Variants in PCDHA12 observed in about 807,000 individuals in gnomAD.
PCDHA12 encodes protocadherin alpha-12.
PCDHA12 carries 44 observed loss-of-function variants against 60.0 expected under a neutral mutation model. That is an observed-to-expected ratio of 0.73 (90% CI 0.58 to 0.94). The LOEUF (loss-of-function observed/expected upper bound fraction) is 0.94, where lower values mean the gene tolerates loss of function less well. Ranked by LOEUF, PCDHA12 falls within the 40% of genes least tolerant of loss-of-function variation. PCDHA12 has a pLI of 0.00. For synonymous variants in PCDHA12, 569 were observed against 553.0 expected (o/e 1.03, Z -0.40); for missense variants, 1,276 against 1,239.7 (o/e 1.03, Z -0.44).
chr5:140,956,464 A>C (rs1340273443), intron 1 of PCDHA12, among the ~76,000 whole-genome samples: 1 of 152,148 alleles, frequency 6.6e-6, no homozygotes, highest in Admixed American at 6.6e-5. Flanking sequence ...ATTGATTTGC[A>C]TATGTTGAAC....
chr5:140,917,960 T>C (rs531936377), intron 1 of PCDHA12, among the ~76,000 whole-genome samples: 8 of 152,316 alleles, frequency 5.3e-5, no homozygotes, highest in East Asian at 3.9e-4. Context: ...AGGAACATCA[T>C]TGAATCTGTG....
intron 3 of PCDHA12, among the ~76,000 whole-genome samples, chr5:140,999,429 A>G (rs1554256798): frequency 6.6e-6 from 1 of 152,190 alleles, no homozygotes. Flanking sequence ...GAGGCCAAGT[A>G]CCTTGCCTCT....
In PCDHA12 at chr5:140,882,044, C is replaced by T. The variant is rs539916085; in HGVS notation, c.2367+4205C>T. The T allele has an allele frequency of 5.7e-6, 4 of 702,876 alleles. No individual in the cohort carries two copies. In the East Asian group the frequency reaches 1.1e-4, roughly 20 times the overall value. The allele number at this position is 702,876 out of a possible 1,614,324, so 43.5% of individuals were successfully genotyped here. Reference sequence around the variant, plus strand: ...TCAATGGAAAATATGAAGACTGAGTCATACTTACACTTACACGTTCATGCG... The same window carrying T: ...TCAATGGAAAATATGAAGACTGAGTTATACTTACACTTACACGTTCATGCG... On this transcript the variant is annotated intron_variant, in intron 1 of 3. Transcript: ENST00000398631.
intron 1 of PCDHA12, chr5:140,968,403 T>C (rs1554230673): frequency 6.2e-7 from 1 of 1,613,984 alleles, no homozygotes; most frequent in Non-Finnish European, 8.5e-7. Context: ...CGGGAGTTCT[T>C]TGTGACTGTG....
chr5:140,986,753 A>C (rs2097211895), intron 3 of PCDHA12, among the ~76,000 whole-genome samples: 1 of 152,236 alleles, frequency 6.6e-6, no homozygotes, highest in Non-Finnish European at 1.5e-5. Flanking sequence ...CTGGGACTAA[A>C]CAGTGAAAGA....
chr5:140,911,075 A>G (rs1554194593), intron 1 of PCDHA12, among the ~76,000 whole-genome samples: 1 of 152,076 alleles, frequency 6.6e-6, no homozygotes, highest in Admixed American at 6.6e-5. Context: ...GAGGAGAATC[A>G]ACATTATCTT....
intron 1 of PCDHA12, chr5:140,883,440 C>T (rs781949896): frequency 1.9e-6 from 3 of 1,614,152 alleles, no homozygotes; most frequent in Non-Finnish European, 2.5e-6. Flanking sequence ...ACCTTGACGC[C>T]GCATGTCCCC....
intron 1 of PCDHA12, among the ~76,000 whole-genome samples, chr5:140,951,224 A>G (rs539647356): frequency 3.2e-4 from 49 of 151,938 alleles, no homozygotes; most frequent in Non-Finnish European, 6.9e-4. Context: ...TGGATTCTTG[A>G]TGGTCTTTAC....
chr5:140,933,377 C>A lies in PCDHA12; in HGVS notation c.2368-45572C>A, dbSNP rs910236493. Among the ~76,000 whole-genome samples the A allele has an allele frequency of 3.9e-5, 6 of 151,980 alleles. No homozygotes were observed. In the South Asian group the frequency reaches 1.2e-3, roughly 31 times the overall value. On this transcript the variant is annotated intron_variant, in intron 1 of 3. Transcript: ENST00000398631. ...TTCTAACCCATCCCAAATTCCTTGG[C>A]TGTTCCTAGAGCCATCTGGTTACCA...
At chr5:140,906,961 T>C (rs143429690) in intron 1 of PCDHA12, among the ~76,000 whole-genome samples, 1 of 152,268 alleles carries the variant, frequency 6.6e-6, no homozygotes, top group African/African-American at 2.4e-5. Flanking sequence ...TTTAATGGAA[T>C]CGTGGTTGTG....
intron 1 of PCDHA12, chr5:140,967,843 T>G (rs782701780): frequency 6.2e-7 from 1 of 1,614,102 alleles, no homozygotes; most frequent in East Asian, 2.2e-5. Flanking sequence ...TGGACGTGAA[T>G]GACAATGCCC....
At chr5:140,964,454 T>C (rs1392277569) in intron 1 of PCDHA12, among the ~76,000 whole-genome samples, 1 of 152,132 alleles carries the variant, frequency 6.6e-6, no homozygotes, top group Admixed American at 6.5e-5. Flanking sequence ...CTGTAATCTC[T>C]TCCTTAAGTG....
intron 1 of PCDHA12, among the ~76,000 whole-genome samples, chr5:140,936,396 A>G (rs983509296): frequency 1.4e-4 from 22 of 152,112 alleles, no homozygotes; most frequent in African/African-American, 5.3e-4. Flanking sequence ...AAACTGGGCT[A>G]CTCAATTTTT....
chr5:140,922,409 C>A (rs1335922543), intron 1 of PCDHA12, among the ~76,000 whole-genome samples: 2 of 152,154 alleles, frequency 1.3e-5, no homozygotes, highest in Non-Finnish European at 2.9e-5. Context: ...TTAAAAAGAT[C>A]TAGGTACAGA....
chr5:140,973,242 ATTC>A (rs1295527172), intron 1 of PCDHA12, among the ~76,000 whole-genome samples: 1 of 152,170 alleles, frequency 6.6e-6, no homozygotes, highest in Non-Finnish European at 1.5e-5. Context: ...GAAAGAGTTA[ATTC>A]TTCTTTCAGT....
chr5:141,000,972 CT>C (rs2097980392), intron 3 of PCDHA12, among the ~76,000 whole-genome samples: 1 of 151,780 alleles, frequency 6.6e-6, no homozygotes, highest in Non-Finnish European at 1.5e-5. Context: ...CTTCATATTC[CT>C]TTTTTATAAA....
At chr5:140,934,660 C>T (rs139449604) in intron 1 of PCDHA12, among the ~76,000 whole-genome samples, 2 of 152,152 alleles carry the variant, frequency 1.3e-5, no homozygotes, top group African/African-American at 2.4e-5. Flanking sequence ...TGATTCTTCC[C>T]CTTTGTTTAG....
Position 140,982,566 on chromosome 5 carries a change from A to G in PCDHA12, c.2515+3A>G, listed in dbSNP as rs372784858. On this transcript the variant is annotated splice_donor_region_variant and intron_variant, in intron 3 of 3. Transcript: ENST00000398631. ...AACAGTATCCAGTGCAACACCAGGT[A>G]AAGAGCTGGGGTCTCTCCATTCTTT... 8 of 1,613,970 alleles carry G rather than the reference A, an allele frequency of 5.0e-6. No individual in the cohort carries two copies. The highest frequency in any genetic ancestry group is 6.8e-6 in the Non-Finnish European group (8 of 1,179,958).
At position 140,924,716 on chromosome 5, in the gene PCDHA12, G is replaced by A. The variant is rs534222527; in HGVS notation, c.2367+46877G>A. On this transcript the variant is annotated intron_variant, in intron 1 of 3. Coordinates refer to ENST00000398631, the MANE Select transcript of PCDHA12 (RefSeq NM_018903.4). The stretch of plus-strand genomic sequence containing the variant: ...TCGAGACCAGCTTGTGCAACATGGC[G>A]AAACCTCACCTCTAATAAAAATACA... Among the ~76,000 whole-genome samples, 5 of 151,980 alleles carry A rather than the reference G, an allele frequency of 3.3e-5. No homozygotes were observed. The South Asian group carries it at 1.0e-3, about 32-fold the overall frequency.
Sources: allele counts gnomAD v4.1 joint callset (sites outside exome capture counted in the v4.1 genomes callset), GRCh38; gene constraint gnomAD v4.1.1; transcripts MANE v1.5; gene names NCBI Gene and HGNC (gene_info 2026-07-23, HGNC 2026-07-21).